EVA1C: variants seen among roughly 807,000 people sequenced by gnomAD.
The protein encoded by EVA1C is eva-1 homolog C, also known as protein eva-1 homolog C.
Under a neutral mutation model 45.4 loss-of-function variants are expected in EVA1C, and 25 were observed. The ratio of observed to expected loss-of-function variants is 0.55; its 90% confidence interval spans 0.40 to 0.77. The LOEUF (loss-of-function observed/expected upper bound fraction) is 0.77. EVA1C is among the 30% of genes least tolerant of loss of function. The pLI is 0.00. For synonymous variants in EVA1C, 190 were observed against 221.2 expected (o/e 0.86, Z 1.25); for missense variants, 479 against 554.8 (o/e 0.86, Z 1.37).
intron 1 of EVA1C, among the ~76,000 whole-genome samples, chr21:32,438,486 C>CAAAAAAA: frequency 1.7e-5 from 1 of 57,260 alleles, no homozygotes; most frequent in Admixed American, 2.2e-4. Flanking sequence ...GACTCTGTCT[C>CAAAAAAA]AAAAAAAAAA....
At chr21:32,447,264 C>T (rs1430222976) in intron 1 of EVA1C, among the ~76,000 whole-genome samples, 1 of 151,808 alleles carries the variant, frequency 6.6e-6, no homozygotes, top group Non-Finnish European at 1.5e-5. Context: ...CCCAGCTACT[C>T]CAGAGGCTGA....
rs549468409 is a variant in EVA1C at position 32,513,021 on chromosome 21, ATACT to A, written c.950-1789_950-1786del. Reference sequence around the variant, plus strand: ...TTACAATAATATAGTAAGTATTATAATACTTACAATAATATAATAAGCATTATAA... The same window carrying A: ...TTACAATAATATAGTAAGTATTATAATACAATAATATAATAAGCATTATAA... On this transcript the variant is annotated intron_variant, in intron 7 of 7. Transcript: ENST00000300255. 5.9e-5 allele frequency among the ~76,000 whole-genome samples: 9 copies of A among 151,380 alleles called. No individual in the cohort carries two copies. In the South Asian group the frequency reaches 1.7e-3, roughly 28 times the overall value.
At chr21:32,463,793 A>G (rs1236532785) in intron 3 of EVA1C, among the ~76,000 whole-genome samples, 2 of 152,236 alleles carry the variant, frequency 1.3e-5, no homozygotes, top group African/African-American at 2.4e-5. Flanking sequence ...AAAAAAGAAA[A>G]AAAAAAGACT....
intron 4 of EVA1C, among the ~76,000 whole-genome samples, chr21:32,493,489 T>C (rs2146399960): frequency 6.6e-6 from 1 of 152,324 alleles, no homozygotes; most frequent in Admixed American, 6.5e-5. Flanking sequence ...GGCCAGCCCC[T>C]GCAGGGGCTC....
At chr21:32,457,530 A>G in intron 2 of EVA1C, 67 bp from the exon 3 acceptor site, 3 of 1,604,040 alleles carry the variant, frequency 1.9e-6, no homozygotes, top group Non-Finnish European at 2.6e-6. Context: ...AGAGCAGCCC[A>G]GGTTCGGGTC....
intron 3 of EVA1C, among the ~76,000 whole-genome samples, chr21:32,460,780 C>T (rs1427469898): frequency 2.0e-5 from 3 of 148,308 alleles, no homozygotes; most frequent in Non-Finnish European, 3.0e-5. Flanking sequence ...GGGTCTCACT[C>T]CATTGCCCAG....
At chr21:32,434,749 A>G (rs572359690) in intron 1 of EVA1C, among the ~76,000 whole-genome samples, 1 of 152,370 alleles carries the variant, frequency 6.6e-6, no homozygotes, top group South Asian at 2.1e-4. Flanking sequence ...GAGCTGGAGG[A>G]AGCTGGGAGG....
At chr21:32,502,580 G>A (rs184501401) in intron 6 of EVA1C, among the ~76,000 whole-genome samples, 123 of 152,212 alleles carry the variant, frequency 8.1e-4, no homozygotes, top group African/African-American at 2.8e-3. Flanking sequence ...GTTTTGTCTT[G>A]TGTTACCTTT....
intron 1 of EVA1C, 125 bp downstream of exon 1, chr21:32,413,138 C>A: frequency 2.5e-6 from 2 of 815,350 alleles, no homozygotes; most frequent in Non-Finnish European, 3.4e-6. Flanking sequence ...TGCTCACAGA[C>A]ACTTGTCTGG....
intron 4 of EVA1C, among the ~76,000 whole-genome samples, chr21:32,471,359 G>A (rs184322146): frequency 3.5e-5 from 5 of 141,858 alleles, no homozygotes; most frequent in Non-Finnish European, 6.1e-5. Flanking sequence ...CAGAGTCTCC[G>A]TCTGTCACCC....
intron 3 of EVA1C, among the ~76,000 whole-genome samples, chr21:32,458,935 A>G (rs1208768329): frequency 1.3e-5 from 2 of 151,858 alleles, no homozygotes; most frequent in African/African-American, 4.8e-5. Flanking sequence ...CACTCGTACT[A>G]TGGTCTCAGG....
In EVA1C at chr21:32,481,434, C is replaced by CAGCTCAA. The variant is rs376388231; in HGVS notation, c.634+13588_635-13585dup. On this transcript the variant is annotated intron_variant, in intron 4 of 7. Transcript: ENST00000300255. ...TTTTTTTTTGACTGGTAAATGTGCT[C>CAGCTCAA]AGCTCAAAACCCCAAATAAAACAAA... Among the ~76,000 whole-genome samples the CAGCTCAA allele has an allele frequency of 2.3e-3, 310 of 132,822 alleles. 2 individuals carry two copies. The highest frequency in any genetic ancestry group is 8.6e-3 in the African/African-American group (298 of 34,456). The allele number at this position is 132,822 out of a possible 152,430, so 87.1% of individuals were successfully genotyped here. A position where few individuals can be genotyped will look rare whatever the true frequency, so the allele number is the denominator to read the frequency against.
In EVA1C at chr21:32,495,123, C is replaced by T. The variant is rs1422549974; in HGVS notation, c.731C>T (p.Pro244Leu). ...IIVNNHHFGSPCLPGVKKYLT... is the reference protein window; with the variant it reads ...IIVNNHHFGSLCLPGVKKYLT... ...GTCAACAATCACCATTTTGGAAGCC[C>T]CTGTTTGCCAGGCGTGAAAAAATAC... The change falls in exon 5 of 8, where the codon CCC (proline) becomes CTC (leucine). Residue 244 changes from proline to leucine, a missense_variant. By Grantham distance (98) the Pro-to-Leu change is moderately conservative (BLOSUM62 -3). Transcript: ENST00000300255. 7 of 1,613,912 alleles carry T rather than the reference C, an allele frequency of 4.3e-6. No individual in the cohort carries two copies. Among genetic ancestry groups the T allele is most frequent in the Non-Finnish European group, 5.9e-6 (7 of 1,180,014 alleles).
intron 4 of EVA1C, among the ~76,000 whole-genome samples, chr21:32,470,239 G>A (rs550712098): frequency 2.0e-5 from 3 of 152,142 alleles, no homozygotes; most frequent in Non-Finnish European, 4.4e-5. Context: ...TGAGCTAAGC[G>A]CACTTTAACT....
At chr21:32,449,299 C>A (rs1015616286) in intron 1 of EVA1C, among the ~76,000 whole-genome samples, 8 of 152,232 alleles carry the variant, frequency 5.3e-5, no homozygotes, top group African/African-American at 1.7e-4. Context: ...TGGACAATGA[C>A]GTGGCTCCAC....
intron 3 of EVA1C, among the ~76,000 whole-genome samples, chr21:32,458,965 C>T (rs1213445127): frequency 6.6e-6 from 1 of 152,016 alleles, no homozygotes; most frequent in Non-Finnish European, 1.5e-5. Flanking sequence ...GGGGAGAAAC[C>T]CCCCCGATCT....
chr21:32,434,074 C>G (rs1247207068), intron 1 of EVA1C, among the ~76,000 whole-genome samples: 2 of 151,970 alleles, frequency 1.3e-5, no homozygotes, highest in African/African-American at 4.8e-5. Flanking sequence ...GTGGGTGGAT[C>G]ATTTGAGGTC....
chr21:32,462,108 T>A (rs747919852), intron 3 of EVA1C, among the ~76,000 whole-genome samples: 6 of 151,396 alleles, frequency 4.0e-5, no homozygotes, highest in Non-Finnish European at 2.9e-5. Flanking sequence ...TATGAATGAC[T>A]AAAGGATATA....
chr21:32,497,022 G>T, intron 5 of EVA1C: 1 of 1,418,878 alleles, frequency 7.0e-7, no homozygotes, highest in South Asian at 1.1e-5. Context: ...AACCAGAGAT[G>T]GTCTGTATTG....
Sources: allele counts gnomAD v4.1 joint callset (sites outside exome capture counted in the v4.1 genomes callset), GRCh38; gene constraint gnomAD v4.1.1; transcripts MANE v1.5; gene names NCBI Gene and HGNC (gene_info 2026-07-23, HGNC 2026-07-21).